ANKRD36: variants seen among roughly 807,000 people sequenced by gnomAD.
ANKRD36 encodes the protein ankyrin repeat domain-containing protein 36A.
ANKRD36 carries 179 observed loss-of-function variants against 278.1 expected under a neutral mutation model. That is an observed-to-expected ratio of 0.64 (90% CI 0.57 to 0.73). ANKRD36 has a LOEUF of 0.73. ANKRD36 is among the 30% of genes least tolerant of loss of function. The pLI is 0.00. For missense variants in ANKRD36, 1,159 were observed against 1,956.7 expected, an observed-to-expected ratio of 0.59 and a Z score of 7.69; for synonymous variants, 320 against 641.1, an observed-to-expected ratio of 0.50 and a Z score of 7.57.
intron 22 of ANKRD36, among the ~76,000 whole-genome samples, chr2:97,173,064 G>A (rs529240962): frequency 8.0e-5 from 12 of 150,932 alleles, no homozygotes; most frequent in African/African-American, 2.9e-4. Flanking sequence ...ATGTTTTCAA[G>A]TCTTCACAAG....
intron 8 of ANKRD36, 67 bp downstream of exon 8, chr2:97,142,902 A>G: frequency 1.4e-6 from 2 of 1,477,698 alleles, no homozygotes; most frequent in Non-Finnish European, 1.8e-6. Context: ...TTCACTGAAT[A>G]AATCGCAGGG....
In ANKRD36 at chr2:97,181,618, G is replaced by C. The variant is rs773323646; in HGVS notation, c.1756G>C (p.Ala586Pro). ...TTCAGTGTCTTCTCAGAAACAACCA[G>C]CTGAGAAGGTAATTAAAGTCTCATT... Reference protein sequence around the residue: ...SGTVSSQKQPAEKATSDEKDS... With the variant: ...SGTVSSQKQPPEKATSDEKDS... Residue 586 changes from alanine to proline, a missense_variant, in exon 25 of 76, where the codon GCT becomes CCT. Coordinates refer to ENST00000420699, the MANE Select transcript of ANKRD36 (RefSeq NM_001354587.1). The C allele has an allele frequency of 1.0e-4, 163 of 1,602,498 alleles. 1 individual carries two copies. The highest frequency in any genetic ancestry group is 1.3e-4 in the Non-Finnish European group (159 of 1,178,038).
intron 46 of ANKRD36, among the ~76,000 whole-genome samples, chr2:97,201,264 G>A (rs2061309223): frequency 6.6e-6 from 1 of 151,846 alleles, no homozygotes; most frequent in South Asian, 2.1e-4. Flanking sequence ...GAATATGTTG[G>A]TTTCCTTGTT....
intron 6 of ANKRD36, among the ~76,000 whole-genome samples, chr2:97,141,120 G>C (rs2042795191): frequency 6.6e-6 from 1 of 151,212 alleles, no homozygotes; most frequent in South Asian, 2.1e-4. Flanking sequence ...AAAAGGACCT[G>C]AGAGACCCCT....
chr2:97,222,373 G>C (rs2068007851), intron 66 of ANKRD36, among the ~76,000 whole-genome samples: 1 of 152,074 alleles, frequency 6.6e-6, no homozygotes, highest in Non-Finnish European at 1.5e-5. Context: ...CATGTGGGTA[G>C]CTGTATTTTT....
intron 63 of ANKRD36, 43 bp downstream of exon 63, chr2:97,217,248 G>A (rs1231290514): frequency 6.5e-7 from 1 of 1,547,196 alleles, no homozygotes; most frequent in Non-Finnish European, 8.7e-7. Context: ...TTATTGCATA[G>A]CCTATGAAAT....
intron 12 of ANKRD36, among the ~76,000 whole-genome samples, chr2:97,150,674 G>A (rs1490914562): frequency 6.6e-6 from 1 of 151,906 alleles, no homozygotes; most frequent in African/African-American, 2.4e-5. Flanking sequence ...TAGAAAAGAT[G>A]AAAAGGAAAT....
intron 38 of ANKRD36, among the ~76,000 whole-genome samples, chr2:97,194,349 A>G (rs925826050): frequency 6.6e-6 from 1 of 151,664 alleles, no homozygotes; most frequent in Non-Finnish European, 1.5e-5. Context: ...GATTTGTTGC[A>G]TGAAAGACAT....
At chr2:97,222,667 G>T (rs1190797158) in intron 66 of ANKRD36, among the ~76,000 whole-genome samples, 1 of 152,130 alleles carries the variant, frequency 6.6e-6, no homozygotes, top group African/African-American at 2.4e-5. Flanking sequence ...TTCTGAGCAT[G>T]TTTCTAGCCA....
At chr2:97,182,460 C>T (rs62154763) in intron 26 of ANKRD36, among the ~76,000 whole-genome samples, 2 of 147,472 alleles carry the variant, frequency 1.4e-5, no homozygotes, top group South Asian at 2.2e-4. Flanking sequence ...CAGAGATATA[C>T]GTTTTGTTGA....
chr2:97,185,889 G>C (rs1269233148), intron 30 of ANKRD36, among the ~76,000 whole-genome samples: 1 of 151,780 alleles, frequency 6.6e-6, no homozygotes, highest in African/African-American at 2.4e-5. Context: ...AGATGGAAAA[G>C]TGATCGTAAT....
At chr2:97,160,188 C>A (rs1454615164) in intron 17 of ANKRD36, among the ~76,000 whole-genome samples, 1 of 152,302 alleles carries the variant, frequency 6.6e-6, no homozygotes, top group Non-Finnish European at 1.5e-5. Flanking sequence ...TTACTTATTT[C>A]TGGAGCTAGT....
rs780371680 is a variant in ANKRD36, at chr2:97,164,438, A to G, written c.1500A>G (p.Leu500=). The change falls in exon 20 of 76, where the codon TTA becomes TTG. Residue 500 remains leucine (L), a synonymous_variant. Transcript: ENST00000420699. ...GAGATCACATTTCAACTAGATTCTT[A>G]GGAGGTATGGATTCACTAACTTCCA... ...KDRDHISTRF[L]GGMDSLTSSE... 19 of 1,537,284 alleles carry G rather than the reference A, an allele frequency of 1.2e-5. No homozygotes were observed. The highest frequency in any genetic ancestry group is 3.9e-5 in the Admixed American group (2 of 50,974).
At chr2:97,191,296 C>G in intron 36 of ANKRD36, 115 bp downstream of exon 36, 5 of 1,219,536 alleles carry the variant, frequency 4.1e-6, no homozygotes, top group Non-Finnish European at 5.5e-6. Flanking sequence ...TTCAGCTGTC[C>G]TGAGATTCTT....
At chr2:97,177,310 A>G (rs1219197643) in intron 22 of ANKRD36, among the ~76,000 whole-genome samples, 2 of 151,954 alleles carry the variant, frequency 1.3e-5, no homozygotes, top group African/African-American at 4.8e-5. Context: ...CTTTCTTCAC[A>G]GAATTGGAAA....
chr2:97,157,131 C>CTCTCTCTG (rs70938513), intron 15 of ANKRD36, among the ~76,000 whole-genome samples: 86,382 of 143,426 alleles, frequency 0.6, 29,085 homozygotes, highest in Non-Finnish European at 0.78. Flanking sequence ...TTTTTTTTTC[C>CTCTCTCTG]TCTCTCTCTC....
At chr2:97,184,527 G>T (rs562930053) in intron 28 of ANKRD36, among the ~76,000 whole-genome samples, 1 of 151,702 alleles carries the variant, frequency 6.6e-6, no homozygotes, top group African/African-American at 2.4e-5. Flanking sequence ...TCCTAAAATG[G>T]TTATTTTCAG....
intron 22 of ANKRD36, among the ~76,000 whole-genome samples, chr2:97,174,447 G>A (rs1341963161): frequency 3.3e-5 from 5 of 151,522 alleles, no homozygotes; most frequent in East Asian, 1.9e-4. Flanking sequence ...GGCACCAGAG[G>A]TATATGTTTT....
At chr2:97,240,736 CTGTTT>C (rs2074164312) in intron 68 of ANKRD36, among the ~76,000 whole-genome samples, 1 of 108,984 alleles carries the variant, frequency 9.2e-6, no homozygotes, top group African/African-American at 4.0e-5. Context: ...TGTATTGTGT[CTGTTT>C]TGTTTTTTAT....
Sources: gnomAD v4.1 joint callset for allele counts (sites outside exome capture counted in the v4.1 genomes callset) on GRCh38, gnomAD v4.1.1 for gene constraint, MANE v1.5 for transcripts, NCBI Gene and HGNC (gene_info 2026-07-23, HGNC 2026-07-21) for gene names.